The following SERPINE2 variants were observed in gnomAD, a reference collection of about 807,000 sequenced individuals.
SERPINE2 encodes the protein glia-derived nexin.
SERPINE2 carries 14 observed loss-of-function variants against 36.3 expected under a neutral mutation model. That is an observed-to-expected ratio of 0.39 (90% confidence interval 0.25 to 0.60). The LOEUF is 0.60. Among genes scored for constraint, SERPINE2 ranks in the 20% least tolerant of loss-of-function variants. The probability of loss-of-function intolerance (pLI) is 0.57; values close to 1 mark genes in which losing one functional copy is unlikely to be tolerated. For missense variants in SERPINE2, 418 were observed against 499.6 expected (o/e 0.84, Z 1.56); for synonymous variants, 192 against 191.8 (o/e 1.00, Z -0.01).
chr2:223,975,967 A>G, intron 8 of SERPINE2, 63 bp from the exon 9 acceptor site: 1 of 1,443,970 alleles, frequency 6.9e-7, no homozygotes, highest in Non-Finnish European at 9.6e-7. Context: ...AATAAGATGG[A>G]AGGTATTCTA....
At chr2:223,997,660 A>C (rs370121407) in intron 3 of SERPINE2, among the ~76,000 whole-genome samples, 33 of 152,358 alleles carry the variant, frequency 2.2e-4, no homozygotes, top group Non-Finnish European at 2.9e-4. Context: ...TGTGCCAATC[A>C]TAACGGACAA....
At chr2:224,000,224 G>C (rs1691059032) in intron 2 of SERPINE2, among the ~76,000 whole-genome samples, 1 of 152,162 alleles carries the variant, frequency 6.6e-6, no homozygotes, top group African/African-American at 2.4e-5. Context: ...TTCCAACGAA[G>C]GGAGCAGACC....
chr2:223,984,912 T>C lies in SERPINE2; in HGVS notation c.724A>G (p.Ile242Val). ...SAPNDLWYNF[I>V]ELPYHGESIS... Reference sequence around the variant, plus strand: ...CTTTCCCCGTGGTAGGGCAGTTCAATGAAGTTGTACCATAAATCATTGGGG... The same window carrying C: ...CTTTCCCCGTGGTAGGGCAGTTCAACGAAGTTGTACCATAAATCATTGGGG... Residue 242 changes from isoleucine (I) to valine (V), a missense_variant, in exon 5 of 9, where the codon ATT becomes GTT. Physicochemically the swap from Ile to Val is conservative, Grantham distance 29. Coordinates refer to ENST00000409304, the MANE Select transcript of SERPINE2 (RefSeq NM_001136528.2). 1 of 1,614,184 alleles carries C rather than the reference T, an allele frequency of 6.2e-7. No homozygotes were observed. Among genetic ancestry groups the C allele is most frequent in the Middle Eastern group, 1.6e-4 (1 of 6,062 alleles).
At chr2:224,032,549 G>GT (rs1692414927) in intron 1 of SERPINE2, among the ~76,000 whole-genome samples, 1 of 152,146 alleles carries the variant, frequency 6.6e-6, no homozygotes, top group African/African-American at 2.4e-5. Flanking sequence ...ATTTGCAGCC[G>GT]TAACAGGAAA....
chr2:224,019,575 G>A (rs1691923173), intron 1 of SERPINE2, among the ~76,000 whole-genome samples: 1 of 151,766 alleles, frequency 6.6e-6, no homozygotes, highest in African/African-American at 2.4e-5. Flanking sequence ...CCAGCCTCCA[G>A]CATGGCACCC....
intron 1 of SERPINE2, among the ~76,000 whole-genome samples, chr2:224,028,643 C>T (rs530318819): frequency 7.2e-5 from 11 of 152,284 alleles, no homozygotes; most frequent in African/African-American, 2.4e-4. Flanking sequence ...TTTTTCTCAC[C>T]TATAAACCAG....
intron 1 of SERPINE2, among the ~76,000 whole-genome samples, chr2:224,013,529 T>C (rs1691700020): frequency 6.6e-6 from 1 of 152,188 alleles, no homozygotes; most frequent in South Asian, 2.1e-4. Flanking sequence ...AGCAGGTAAC[T>C]GGATAAAATT....
At chr2:224,004,119 C>A (rs1691299453) in intron 1 of SERPINE2, among the ~76,000 whole-genome samples, 1 of 152,118 alleles carries the variant, frequency 6.6e-6, no homozygotes, top group Admixed American at 6.5e-5. Flanking sequence ...TTAATCTTTC[C>A]CTGCATCACA....
chr2:223,999,549 C>T (rs1315104130), intron 2 of SERPINE2, among the ~76,000 whole-genome samples: 1 of 152,132 alleles, frequency 6.6e-6, no homozygotes, highest in African/African-American at 2.4e-5. Context: ...GTGCATGGCC[C>T]TCTCTTAGAT....
chr2:224,005,008 T>C (rs1277714020), intron 1 of SERPINE2, among the ~76,000 whole-genome samples: 4 of 128,358 alleles, frequency 3.1e-5, no homozygotes, highest in Non-Finnish European at 6.5e-5. Context: ...TATATATATG[T>C]AGTATTATAT....
At chr2:223,998,461 T>C in intron 2 of SERPINE2, 119 bp from the exon 3 acceptor site, 1 of 691,362 alleles carries the variant, frequency 1.4e-6, no homozygotes, top group East Asian at 2.7e-5. Flanking sequence ...CTCACACCTG[T>C]AATCCCAGCA....
intron 1 of SERPINE2, chr2:224,030,374 ACTT>A (rs1559222380): frequency 3.8e-6 from 1 of 266,078 alleles, no homozygotes; most frequent in African/African-American, 2.3e-5. Context: ...GCTCACCTGT[ACTT>A]CTGTGACAAA....
intron 1 of SERPINE2, among the ~76,000 whole-genome samples, chr2:224,024,495 T>C (rs1692119777): frequency 6.6e-6 from 1 of 152,154 alleles, no homozygotes; most frequent in African/African-American, 2.4e-5. Context: ...CAGGGGACGT[T>C]TGCTATTTCC....
At chr2:223,989,806 C>T (rs1386354351) in intron 4 of SERPINE2, among the ~76,000 whole-genome samples, 1 of 152,006 alleles carries the variant, frequency 6.6e-6, no homozygotes, top group Non-Finnish European at 1.5e-5. Flanking sequence ...TTTTCTGGTC[C>T]GAATTAGGTA....
At chr2:223,998,643 G>A (rs1395511951) in intron 2 of SERPINE2, among the ~76,000 whole-genome samples, 1 of 152,170 alleles carries the variant, frequency 6.6e-6, no homozygotes, top group Non-Finnish European at 1.5e-5. Context: ...TGGAGCCTGG[G>A]AAGTCGAGGC....
chr2:223,991,598 G>A (rs1690674198), intron 4 of SERPINE2, among the ~76,000 whole-genome samples: 1 of 152,124 alleles, frequency 6.6e-6, no homozygotes, highest in Admixed American at 6.5e-5. Flanking sequence ...CATATATTAT[G>A]CATATTATGC....
chr2:223,982,837 A>G, intron 5 of SERPINE2, 56 bp from the exon 6 acceptor site: 1 of 1,243,588 alleles, frequency 8.0e-7, no homozygotes, highest in Non-Finnish European at 1.2e-6. Context: ...ATGCTACATG[A>G]TAGAGTCGGT....
At chr2:224,016,504 C>G (rs1195404860) in intron 1 of SERPINE2, among the ~76,000 whole-genome samples, 1 of 25,346 alleles carries the variant, frequency 3.9e-5, no homozygotes, top group Non-Finnish European at 1.2e-4. Context: ...GAAAGTCCGT[C>G]TCAAAAAAAA....
intron 1 of SERPINE2, among the ~76,000 whole-genome samples, chr2:224,011,244 T>A (rs1691615274): frequency 6.6e-6 from 1 of 152,218 alleles, no homozygotes; most frequent in African/African-American, 2.4e-5. Flanking sequence ...GACATTATAG[T>A]GACATTGACC....
Sources: gnomAD v4.1 joint callset for allele counts (sites outside exome capture counted in the v4.1 genomes callset) on GRCh38, gnomAD v4.1.1 for gene constraint, MANE v1.5 for transcripts, NCBI Gene and HGNC (gene_info 2026-07-23, HGNC 2026-07-21) for gene names.